Variants in SCARA5 observed in about 807,000 individuals in gnomAD.
SCARA5 encodes the protein scavenger receptor class A member 5, also known as scavenger receptor class A, member 5 (putative).
In SCARA5, 45 loss-of-function variants were observed where a neutral mutation model predicts 46.3. That is an observed-to-expected ratio of 0.97 (90% CI 0.76 to 1.24). The LOEUF (loss-of-function observed/expected upper bound fraction) is 1.24. SCARA5 is among the 50% of genes most tolerant of loss of function. The probability of loss-of-function intolerance (pLI) is 0.00; values close to 1 mark genes in which losing one functional copy is unlikely to be tolerated. For missense variants in SCARA5, 680 were observed against 689.0 expected, an observed-to-expected ratio of 0.99 and a Z score of 0.15; for synonymous variants, 333 against 306.5, an observed-to-expected ratio of 1.09 and a Z score of -0.90.
chr8:27,964,009 G>A (rs1211126495), intron 3 of SCARA5, among the ~76,000 whole-genome samples: 2 of 152,174 alleles, frequency 1.3e-5, no homozygotes, highest in Non-Finnish European at 2.9e-5. Flanking sequence ...CCCATGGCAG[G>A]ACACCCAACA....
intron 2 of SCARA5, among the ~76,000 whole-genome samples, chr8:27,981,833 G>A (rs1808620447): frequency 6.6e-6 from 1 of 152,180 alleles, no homozygotes; most frequent in Non-Finnish European, 1.5e-5. Context: ...CTCTGAACTG[G>A]GTTAATAGTC....
chr8:27,910,537 C>A (rs1429973812), intron 4 of SCARA5, among the ~76,000 whole-genome samples: 2 of 152,078 alleles, frequency 1.3e-5, no homozygotes, highest in African/African-American at 2.4e-5. Context: ...CACAGAGGTG[C>A]CTGAGAGAAG....
intron 8 of SCARA5, among the ~76,000 whole-genome samples, chr8:27,878,493 C>T (rs1316013633): frequency 2.0e-5 from 3 of 152,194 alleles, no homozygotes; most frequent in Non-Finnish European, 2.9e-5. Flanking sequence ...TAAGAAGGGT[C>T]TGTGCCCCTT....
intron 2 of SCARA5, among the ~76,000 whole-genome samples, chr8:27,980,875 T>C (rs1262145470): frequency 2.0e-5 from 3 of 152,098 alleles, no homozygotes; most frequent in Admixed American, 6.5e-5. Flanking sequence ...GTAACCAGAA[T>C]GTTGCTTTCT....
chr8:27,885,615 C>T (rs1031328510), intron 7 of SCARA5, among the ~76,000 whole-genome samples: 2 of 152,170 alleles, frequency 1.3e-5, no homozygotes, highest in Non-Finnish European at 2.9e-5. Flanking sequence ...GCTTTGGTGG[C>T]AACCTGAATG....
intron 7 of SCARA5, among the ~76,000 whole-genome samples, chr8:27,888,147 C>G (rs1806927070): frequency 6.6e-6 from 1 of 152,102 alleles, no homozygotes; most frequent in South Asian, 2.1e-4. Context: ...ACCTCTGTCC[C>G]CCAGGCTCAA....
chr8:27,939,493 T>C (rs980869162), intron 3 of SCARA5, among the ~76,000 whole-genome samples: 1 of 152,214 alleles, frequency 6.6e-6, no homozygotes, highest in Non-Finnish European at 1.5e-5. Context: ...AGATGTGTAC[T>C]GCCAGTCTCA....
intron 3 of SCARA5, among the ~76,000 whole-genome samples, chr8:27,938,018 G>C (rs909837355): frequency 6.6e-6 from 1 of 152,200 alleles, no homozygotes; most frequent in African/African-American, 2.4e-5. Context: ...CTAGCGGTTA[G>C]GGAGGGCTCT....
intron 3 of SCARA5, among the ~76,000 whole-genome samples, chr8:27,964,631 T>A (rs1808341017): frequency 6.6e-6 from 1 of 152,152 alleles, no homozygotes; most frequent in Non-Finnish European, 1.5e-5. Flanking sequence ...ATCCACCTGT[T>A]GGTCCTAGCT....
intron 7 of SCARA5, among the ~76,000 whole-genome samples, chr8:27,902,419 G>A (rs901439779): frequency 6.6e-6 from 1 of 152,096 alleles, no homozygotes; most frequent in African/African-American, 2.4e-5. Flanking sequence ...CCCCAGTACA[G>A]AGCCCACCAG....
At chr8:27,933,752 T>C (rs1342597199) in intron 3 of SCARA5, among the ~76,000 whole-genome samples, 2 of 152,186 alleles carry the variant, frequency 1.3e-5, no homozygotes, top group African/African-American at 4.8e-5. Flanking sequence ...CTTTCTCTGT[T>C]TATTTATCAT....
At chr8:27,888,208 T>C (rs146263520) in intron 7 of SCARA5, among the ~76,000 whole-genome samples, 1 of 152,292 alleles carries the variant, frequency 6.6e-6, no homozygotes, top group East Asian at 1.9e-4. Context: ...ACAGGGTGCA[T>C]GCTGCCATGC....
intron 8 of SCARA5, among the ~76,000 whole-genome samples, chr8:27,874,447 C>T (rs987723035): frequency 2.0e-5 from 3 of 152,352 alleles, no homozygotes; most frequent in African/African-American, 4.8e-5. Context: ...GACGGCAAAC[C>T]GTGAGCCAGG....
chr8:27,929,257 C>G (rs1435050852), intron 3 of SCARA5, among the ~76,000 whole-genome samples: 1 of 151,898 alleles, frequency 6.6e-6, no homozygotes, highest in Non-Finnish European at 1.5e-5. Flanking sequence ...CCACAGCCCA[C>G]CCCAAGCCTG....
At chr8:27,904,001 C>T (rs1233732511) in intron 7 of SCARA5, among the ~76,000 whole-genome samples, 1 of 144,342 alleles carries the variant, frequency 6.9e-6, no homozygotes, top group African/African-American at 2.6e-5. Context: ...TCATTCTTCT[C>T]TGGCAAGTCT....
At chr8:27,928,700 T>A (rs938881198) in intron 3 of SCARA5, among the ~76,000 whole-genome samples, 1 of 152,104 alleles carries the variant, frequency 6.6e-6, no homozygotes, top group African/African-American at 2.4e-5. Flanking sequence ...GAGTTTTGCT[T>A]TGTTGCTCAG....
intron 7 of SCARA5, among the ~76,000 whole-genome samples, chr8:27,899,201 T>C (rs754207969): frequency 2.6e-5 from 4 of 152,218 alleles, no homozygotes; most frequent in Admixed American, 6.5e-5. Context: ...GACTGAGCCC[T>C]TACCCTGTGG....
chr8:27,884,578 G>T (rs1023611755), intron 7 of SCARA5, among the ~76,000 whole-genome samples: 5 of 152,214 alleles, frequency 3.3e-5, no homozygotes, highest in African/African-American at 9.6e-5. Flanking sequence ...CACAGAGCAG[G>T]CCAGGCAGAA....
intron 3 of SCARA5, among the ~76,000 whole-genome samples, chr8:27,965,901 C>T (rs1164037567): frequency 6.6e-6 from 1 of 152,228 alleles, no homozygotes; most frequent in African/African-American, 2.4e-5. Flanking sequence ...GGCTGGAGAA[C>T]ATGCTAGCCC....
Sources: allele counts gnomAD v4.1 joint callset (sites outside exome capture counted in the v4.1 genomes callset), GRCh38; gene constraint gnomAD v4.1.1; transcripts MANE v1.5; gene names NCBI Gene and HGNC (gene_info 2026-07-23, HGNC 2026-07-21).